The following ASXL1 variants were observed in gnomAD, a reference collection of about 807,000 sequenced individuals.
The protein encoded by ASXL1 is ASXL transcriptional regulator 1.
ASXL1 carries 65 observed loss-of-function variants against 89.1 expected under a neutral mutation model. The ratio of observed to expected loss-of-function variants is 0.73; its 90% CI spans 0.60 to 0.90. The LOEUF is 0.90. Among genes scored for constraint, ASXL1 ranks in the 40% least tolerant of loss-of-function variants. The pLI is 0.00. For missense variants in ASXL1, 1,786 were observed against 1,942.9 expected (o/e 0.92, Z 1.52); for synonymous variants, 739 against 746.9 (o/e 0.99, Z 0.17).
intron 4 of ASXL1, among the ~76,000 whole-genome samples, chr20:32,412,521 A>G (rs1479165067): frequency 6.6e-6 from 1 of 152,120 alleles, no homozygotes; most frequent in East Asian, 1.9e-4. Context: ...TTTTAAATGT[A>G]TCACAACCAC....
At chr20:32,374,356 C>T (rs920427251) in intron 4 of ASXL1, among the ~76,000 whole-genome samples, 4 of 152,048 alleles carry the variant, frequency 2.6e-5, no homozygotes, top group Non-Finnish European at 4.4e-5. Context: ...TGCAGTGGCA[C>T]CATCATAGCT....
At chr20:32,397,662 C>T (rs968837385) in intron 4 of ASXL1, among the ~76,000 whole-genome samples, 1 of 151,926 alleles carries the variant, frequency 6.6e-6, no homozygotes, top group African/African-American at 2.4e-5. Context: ...CTCCCAAATG[C>T]TGCTGGAATT....
chr20:32,411,431 G>T (rs1444877551), intron 4 of ASXL1, among the ~76,000 whole-genome samples: 1 of 150,872 alleles, frequency 6.6e-6, no homozygotes, highest in Non-Finnish European at 1.5e-5. Context: ...TCACCATGTT[G>T]GCCAGGCTTG....
intron 4 of ASXL1, among the ~76,000 whole-genome samples, chr20:32,382,405 G>GT (rs2048502832): frequency 6.6e-6 from 1 of 151,988 alleles, no homozygotes; most frequent in Non-Finnish European, 1.5e-5. Context: ...GAACCCTTAG[G>GT]AACAGTTTAA....
chr20:32,428,387 T>C lies in ASXL1; in HGVS notation c.436T>C (p.Ser146Pro). 4 of 1,614,078 alleles carry C rather than the reference T, an allele frequency of 2.5e-6. No homozygotes were observed. The highest frequency in any genetic ancestry group is 3.4e-6 in the Non-Finnish European group (4 of 1,179,974). The change falls in exon 6 of 13, where the codon TCC (serine) becomes CCC (proline). Residue 146 changes from serine to proline, a missense_variant. Around this residue, in one of 3 missense-constraint regions of ASXL1, gnomAD observed 332 missense variants for 449.7 expected, o/e 0.74. Transcript: ENST00000375687. ...CSTESQSRPL[S>P]NPRDSYRASS... is the part of the protein sequence containing the mutation. ...TACAGAATCTCAGAGTCGACCTCTT[T>C]CCAATCCCAGGGACAGCTACAGAGC... is the stretch of plus-strand genomic sequence containing the variant.
At position 32,435,810 on chromosome 20, in the gene ASXL1, A is replaced by T. The variant is rs192330235; in HGVS notation, c.3098A>T (p.Glu1033Val). 6.8e-5 allele frequency: 109 copies of T among 1,614,240 alleles called. No individual in the cohort carries two copies. The East Asian group carries it at 2.4e-3, about 35-fold the overall frequency. The change falls in exon 13 of 13, where the codon GAG becomes GTG. Residue 1033 changes from glutamate to valine, a missense_variant. Physicochemically the swap from Glu to Val is moderately radical, Grantham distance 121. Transcript: ENST00000375687. ...VTKGSSVDKD[E>V]KPNWNQSAPL... ...AAGGGATCTTCGGTGGACAAGGATGAGAAACCCAATTGGAACCAATCTGCC... is the reference window on the plus strand; with the variant it reads ...AAGGGATCTTCGGTGGACAAGGATGTGAAACCCAATTGGAACCAATCTGCC...
At chr20:32,421,565 T>C (rs2049250541) in intron 4 of ASXL1, among the ~76,000 whole-genome samples, 1 of 152,114 alleles carries the variant, frequency 6.6e-6, no homozygotes, top group African/African-American at 2.4e-5. Context: ...TTTACAAGAA[T>C]GTTCATAATA....
chr20:32,404,163 ATC>A (rs1569288265), intron 4 of ASXL1, among the ~76,000 whole-genome samples: 1 of 151,892 alleles, frequency 6.6e-6, no homozygotes, highest in Non-Finnish European at 1.5e-5. Context: ...ACCCCTCTTT[ATC>A]TCCCTGCCCC....
chr20:32,434,410 T>C (rs779654042), intron 12 of ASXL1, 22 bp from the exon 13 acceptor site: 1 of 1,613,498 alleles, frequency 6.2e-7, no homozygotes, highest in Non-Finnish European at 8.5e-7. Flanking sequence ...GTTAAAACTA[T>C]TTTCTAATTC....
At chr20:32,372,255 G>T in intron 4 of ASXL1, 1 of 1,291,688 alleles carries the variant, frequency 7.7e-7, no homozygotes, top group Non-Finnish European at 1.0e-6. Flanking sequence ...CTTGGGAGTG[G>T]TCTGTTAGTC....
chr20:32,372,021 G>T, intron 4 of ASXL1: 1 of 998,592 alleles, frequency 1.0e-6, no homozygotes. Flanking sequence ...TTAAAAGGAA[G>T]GATAATTACT....
At chr20:32,383,266 T>C (rs903363922) in intron 4 of ASXL1, among the ~76,000 whole-genome samples, 3 of 152,160 alleles carry the variant, frequency 2.0e-5, no homozygotes, top group African/African-American at 7.2e-5. Flanking sequence ...GCTGGAGTTT[T>C]TGTACTCTCC....
At chr20:32,377,811 C>G (rs1015694665) in intron 4 of ASXL1, among the ~76,000 whole-genome samples, 1 of 151,828 alleles carries the variant, frequency 6.6e-6, no homozygotes, top group Non-Finnish European at 1.5e-5. Context: ...AGGCACCATG[C>G]CCGGCAAATT....
intron 4 of ASXL1, among the ~76,000 whole-genome samples, chr20:32,398,603 G>GTTTTTTTTTTTTGTTTT (rs375341392): frequency 1.6e-5 from 2 of 126,444 alleles, no homozygotes; most frequent in African/African-American, 3.2e-5. Flanking sequence ...TTTTTTGTTT[G>GTTTTTTTTTTTTGTTTT]TTTTTTTTTT....
At position 32,433,408 on chromosome 20, in the gene ASXL1, C is replaced by CGAGATGG; in HGVS notation, c.1212_1218dup (p.His407ArgfsTer5). 1 of 1,614,096 alleles carries CGAGATGG rather than the reference C, an allele frequency of 6.2e-7. No homozygotes were observed. Among genetic ancestry groups the CGAGATGG allele is most frequent in the Non-Finnish European group, 8.5e-7 (1 of 1,180,004 alleles). ...ACAGCGTGGTCCAGCCACCCGACAG[C>CGAGATGG]GAGATGGGCATTTTAAGAAACGCTC... On this transcript the variant is annotated frameshift_variant, in exon 12 of 13. Transcript: ENST00000375687. LOFTEE classifies it high-confidence loss of function.
At chr20:32,411,212 AT>A (rs1191515935) in intron 4 of ASXL1, among the ~76,000 whole-genome samples, 25 of 65,814 alleles carry the variant, frequency 3.8e-4, no homozygotes, top group African/African-American at 1.1e-3. Flanking sequence ...GAATTTATGG[AT>A]TCTTTTTTTT....
At chr20:32,412,537 C>T (rs6141712) in intron 4 of ASXL1, among the ~76,000 whole-genome samples, 5 of 151,482 alleles carry the variant, frequency 3.3e-5, no homozygotes, top group African/African-American at 4.9e-5. Context: ...ACCACTTCCT[C>T]TTTTTAGTGC....
chr20:32,435,002 C>G lies in ASXL1; in HGVS notation c.2290C>G (p.Leu764Val). ...TGDQPCQALP[L>V]LSSQTSVAER... is the part of the protein sequence containing the mutation. ...GGACCAGCCATGCCAGGCCTTGCCC[C>G]TACTGTCCTCCCAAACCTCAGTAGC... Residue 764 changes from leucine (L) to valine (V), a missense_variant, in exon 13 of 13, where the codon CTA (leucine) becomes GTA (valine). Leu to Val is a conservative substitution (Grantham distance 32, BLOSUM62 1). Coordinates refer to ENST00000375687, the MANE Select transcript of ASXL1 (RefSeq NM_015338.6). The G allele has an allele frequency of 6.2e-7, 1 of 1,614,186 alleles. No homozygotes were observed.
chr20:32,433,815 G>A lies in ASXL1; in HGVS notation c.1617G>A (p.Lys539=), dbSNP rs775099247. 4.3e-6 allele frequency: 7 copies of A among 1,614,012 alleles called. No homozygotes were observed. The highest frequency in any genetic ancestry group is 1.3e-5 in the African/African-American group (1 of 74,938). The change falls in exon 12 of 13, where the codon AAG becomes AAA. Residue 539 remains lysine, a synonymous_variant. Coordinates refer to ENST00000375687, the MANE Select transcript of ASXL1 (RefSeq NM_015338.6). ...CCTCTGCATCCTTTCCCGAAAAGAA[G>A]CCCCGGCTTGAAGATCGTCAGTCCT... ...QAASASFPEK[K]PRLEDRQSFR...
Sources: gnomAD v4.1 joint callset for allele counts (sites outside exome capture counted in the v4.1 genomes callset) on GRCh38, gnomAD v4.1.1 for gene constraint, gnomAD v4.1.1 regional missense constraint, MANE v1.5 for transcripts, NCBI Gene and HGNC (gene_info 2026-07-23, HGNC 2026-07-21) for gene names.